CYP2A6: variants seen among roughly 807,000 people sequenced by gnomAD.
CYP2A6 encodes cytochrome P450 2A6.
In CYP2A6, 27 loss-of-function variants were observed where a neutral mutation model predicts 42.3. The observed-to-expected ratio is 0.64, with a 90% confidence interval of 0.47 to 0.88. The LOEUF (loss-of-function observed/expected upper bound fraction) is 0.88. Ranked by LOEUF, CYP2A6 falls within the 40% of genes least tolerant of loss-of-function variation. The probability of loss-of-function intolerance (pLI) is 0.00; values close to 1 mark genes in which losing one functional copy is unlikely to be tolerated. For missense variants in CYP2A6, 628 were observed against 646.0 expected, an observed-to-expected ratio of 0.97 and a Z score of 0.30; for synonymous variants, 238 against 246.3, an observed-to-expected ratio of 0.97 and a Z score of 0.31.
intron 2 of CYP2A6, among the ~76,000 whole-genome samples, chr19:40,849,162 G>GGAT (rs1204334505): frequency 3.5e-5 from 5 of 144,488 alleles, no homozygotes; most frequent in Middle Eastern, 7.1e-3. Flanking sequence ...AGAAACAGAG[G>GGAT]GATAAGGGGA....
In CYP2A6 at chr19:40,850,328, C is replaced by G; in HGVS notation, c.99G>C (p.Leu33=). 1 of 1,610,168 alleles carries G rather than the reference C, an allele frequency of 6.2e-7. No homozygotes were observed. The highest frequency in any genetic ancestry group is 8.5e-7 in the Non-Finnish European group (1 of 1,178,868). Residue 33 remains leucine (L), a synonymous_variant, in exon 1 of 9, where the codon CTG becomes CTC. Transcript: ENST00000301141. ...VWQQRKSKGK[L]PPGPTPLPFI... is the part of the protein sequence containing the mutation. Reference sequence around the variant, plus strand: ...AGGGCAATGGGGTGGGTCCCGGAGGCAGCTTCCCCTTGCTCTTCCTCTGCT... The same window carrying G: ...AGGGCAATGGGGTGGGTCCCGGAGGGAGCTTCCCCTTGCTCTTCCTCTGCT...
In CYP2A6 at chr19:40,844,781, G is replaced by A. The variant is rs754636163; in HGVS notation, c.1162-9C>T. The A allele has an allele frequency of 6.8e-6, 11 of 1,608,556 alleles. No homozygotes were observed. In the South Asian group the frequency reaches 9.9e-5, roughly 15 times the overall value. On this transcript the variant is annotated splice_polypyrimidine_tract_variant and intron_variant, in intron 7 of 8. Transcript: ENST00000301141. Reference sequence around the variant, plus strand: ...GGGTACACTTCGGTGCCCTGGTAGGGAGGAGGAAGTTGTGTGTGATGAGGA... The same window carrying A: ...GGGTACACTTCGGTGCCCTGGTAGGAAGGAGGAAGTTGTGTGTGATGAGGA...
In CYP2A6 at chr19:40,844,699, T is replaced by C. The variant is rs1345233315; in HGVS notation, c.1235A>G (p.Asn412Ser). Residue 412 changes from asparagine (N) to serine (S), a missense_variant, in exon 8 of 9, where the codon AAT becomes AGT. Asn to Ser is a conservative substitution (Grantham distance 46). Transcript: ENST00000301141. ...PSFFSNPQDF[N>S]PQHFLNEKGQ... is the part of the protein sequence containing the mutation. ...CTTCTCATTCAGGAAGTGCTGGGGA[T>C]TGAAGTCCTGGGGGTTGGAGAAGAA... 1.9e-6 allele frequency: 3 copies of C among 1,611,508 alleles called. No homozygotes were observed. The highest frequency in any genetic ancestry group is 2.5e-6 in the Non-Finnish European group (3 of 1,179,858).
rs559914206 is a variant in CYP2A6 at position 40,847,271 on chromosome 19, A to G, written c.655-220T>C. On this transcript the variant is annotated intron_variant, in intron 4 of 8. Transcript: ENST00000301141. ...AGTAATTTAGGTGAGAAGAACTGAG[A>G]CATATATCCAGGTTTCAGGTATTTA... Among the ~76,000 whole-genome samples the G allele has an allele frequency of 7.1e-4, 108 of 151,634 alleles. 1 individual carries two copies. Among genetic ancestry groups the G allele is most frequent in the African/African-American group, 1.8e-3 (74 of 41,286 alleles).
Position 40,848,383 on chromosome 19 carries a change from C to G in CYP2A6, c.494-4G>C. 6.2e-7 allele frequency: 1 copy of G among 1,611,710 alleles called. No homozygotes were observed. Among genetic ancestry groups the G allele is most frequent in the Non-Finnish European group, 8.5e-7 (1 of 1,179,862 alleles). On this transcript the variant is annotated splice_region_variant and splice_polypyrimidine_tract_variant and intron_variant, in intron 3 of 8. Transcript: ENST00000301141. ...AAGGTGGGATCGATATTGGCGCCTG[C>G]GGGTATGGCGGGAGAAGGGGGTTGG...
At chr19:40,845,691 G>A (rs1479277105) in intron 6 of CYP2A6, among the ~76,000 whole-genome samples, 4 of 151,520 alleles carry the variant, frequency 2.6e-5, no homozygotes, top group Non-Finnish European at 5.9e-5. Flanking sequence ...GCACAGGGAG[G>A]AACTTAGGGG....
rs765636072 is a variant in CYP2A6 at position 40,848,240 on chromosome 19, G to A, written c.633C>T (p.Phe211=). ...TTACCTGCCCCGTGGAGGTTGACGT[G>A]AACTGGAAGATTCCTAGCATCATGC... ...LLRMMLGIFQ[F]TSTSTGQLYE... Residue 211 remains phenylalanine, a synonymous_variant, in exon 4 of 9, where the codon TTC becomes TTT. Transcript: ENST00000301141. 1.9e-6 allele frequency: 3 copies of A among 1,611,810 alleles called. No individual in the cohort carries two copies. The highest frequency in any genetic ancestry group is 4.6e-5 in the East Asian group (2 of 43,398).
At chr19:40,850,178 C>G (rs910090342) in intron 1 of CYP2A6, 69 bp downstream of exon 1, 1 of 1,570,394 alleles carries the variant, frequency 6.4e-7, no homozygotes, top group Non-Finnish European at 8.6e-7. Flanking sequence ...TGGTCAACCC[C>G]CTGCCACAAA....
At chr19:40,847,160 T>C (rs1967116177) in intron 4 of CYP2A6, 109 bp from the exon 5 acceptor site, 1 of 1,473,054 alleles carries the variant, frequency 6.8e-7, no homozygotes, top group African/African-American at 1.4e-5. Flanking sequence ...TAAAGGCATC[T>C]GTCTCGTTGT....
chr19:40,849,844 G>A lies in CYP2A6; in HGVS notation c.317C>T (p.Thr106Ile). The A allele has an allele frequency of 6.2e-7, 1 of 1,611,094 alleles. No individual in the cohort carries two copies. The highest frequency in any genetic ancestry group is 8.5e-7 in the Non-Finnish European group (1 of 1,179,742). ...EEFSGRGEQA[T>I]FDWVFKGYGV... ...ATAGCCTTTGAAGACCCAGTCGAAG[G>A]TGGCTTGCTCGCCTCGCCCGCTGAA... Residue 106 changes from threonine (T) to isoleucine (I), a missense_variant, in exon 2 of 9, where the codon ACC becomes ATC. Coordinates refer to ENST00000301141, the MANE Select transcript of CYP2A6 (RefSeq NM_000762.6).
rs756702574 is a variant in CYP2A6 at position 40,848,399 on chromosome 19, A to C, written c.494-20T>G. Reference sequence around the variant, plus strand: ...TGGCGCCTGCGGGTATGGCGGGAGAAGGGGGTTGGGGAGAGAGTCAACTCA... The same window carrying C: ...TGGCGCCTGCGGGTATGGCGGGAGACGGGGGTTGGGGAGAGAGTCAACTCA... On this transcript the variant is annotated intron_variant, in intron 3 of 8. Coordinates refer to ENST00000301141, the MANE Select transcript of CYP2A6 (RefSeq NM_000762.6). The C allele has an allele frequency of 1.2e-6, 2 of 1,611,526 alleles. No individual in the cohort carries two copies. The highest frequency in any genetic ancestry group is 2.2e-5 in the South Asian group (2 of 90,864).
In CYP2A6 at chr19:40,849,960, G is replaced by C; in HGVS notation, c.201C>G (p.Pro67=). 1.2e-6 allele frequency: 2 copies of C among 1,611,244 alleles called. No homozygotes were observed. Among genetic ancestry groups the C allele is most frequent in the South Asian group, 1.1e-5 (1 of 90,872 alleles). ...GGGGCCCCAAGTGAATGGTGAACAC[G>C]GGGCCATAGCGCTCACTGATCTGAT... is the stretch of plus-strand genomic sequence containing the variant. ...SLMKISERYG[P]VFTIHLGPRR... The change falls in exon 2 of 9, where the codon CCC becomes CCG. Residue 67 remains proline, a synonymous_variant. Transcript: ENST00000301141.
Position 40,850,323 on chromosome 19 carries a change from G to C in CYP2A6, c.104C>G (p.Pro35Arg), listed in dbSNP as rs377713545. The change falls in exon 1 of 9, where the codon CCG (proline) becomes CGG (arginine). Residue 35 changes from proline (P) to arginine (R), a missense_variant. By Grantham distance (103) the Pro-to-Arg change is moderately radical. Around this residue, in one of 2 missense-constraint regions of CYP2A6, gnomAD observed 606 missense variants for 568.1 expected, o/e 1.07. Transcript: ENST00000301141. ...QQRKSKGKLP[P>R]GPTPLPFIGN... ...AATGAAGGGCAATGGGGTGGGTCCC[G>C]GAGGCAGCTTCCCCTTGCTCTTCCT... 67 of 1,609,948 alleles carry C rather than the reference G, an allele frequency of 4.2e-5. 2 individuals are homozygous for C. The highest frequency in any genetic ancestry group is 6.8e-6 in the Non-Finnish European group (8 of 1,178,860).
chr19:40,849,030 GAGAGAA>G (rs1361984128), intron 2 of CYP2A6, among the ~76,000 whole-genome samples: 10 of 42,502 alleles, frequency 2.4e-4, no homozygotes, highest in Non-Finnish European at 3.4e-4. Context: ...AGGAGAGAGA[GAGAGAA>G]GAGAGAGAGG....
rs533443716 is a variant in CYP2A6, at chr19:40,844,367, A to G, written c.1303+264T>C. Among the ~76,000 whole-genome samples, 218 of 151,424 alleles carry G rather than the reference A, an allele frequency of 1.4e-3. 10 individuals are homozygous for G. The South Asian group carries it at 0.027, about 19-fold the overall frequency. Reference sequence around the variant, plus strand: ...TTGCAAATATGACTGCTGTGCCGTCATCTCCTTTTTAGGGATCTGAGGAAT... The same window carrying G: ...TTGCAAATATGACTGCTGTGCCGTCGTCTCCTTTTTAGGGATCTGAGGAAT... On this transcript the variant is annotated intron_variant, in intron 8 of 8. Transcript: ENST00000301141.
intron 4 of CYP2A6, among the ~76,000 whole-genome samples, chr19:40,848,010 T>G (rs201920184): frequency 0.02 from 2,112 of 104,218 alleles, 9 homozygotes; most frequent in South Asian, 0.079. Context: ...TTGGGGAGCA[T>G]CTGTTGAGCT....
At chr19:40,847,530 G>A (rs1568515244) in intron 4 of CYP2A6, among the ~76,000 whole-genome samples, 1 of 151,514 alleles carries the variant, frequency 6.6e-6, no homozygotes, top group East Asian at 2.0e-4. Flanking sequence ...TGGGGCTGGT[G>A]AAGATGTTGA....
In CYP2A6 at chr19:40,845,284, C is replaced by T. The variant is rs202136237; in HGVS notation, c.1161+10G>A. On this transcript the variant is annotated intron_variant, in intron 7 of 8. Coordinates refer to ENST00000301141, the MANE Select transcript of CYP2A6 (RefSeq NM_000762.6). ...GTCCCCGTAGTCTGGGGGGTGGGGG[C>T]GGATAGCACCTTAGGGAGGAAGAAA... 5.8e-5 allele frequency: 93 copies of T among 1,610,628 alleles called. No homozygotes were observed. The highest frequency in any genetic ancestry group is 3.7e-4 in the Admixed American group (22 of 59,898).
chr19:40,848,201 C>G lies in CYP2A6; in HGVS notation c.654+18G>C, dbSNP rs777448923. The G allele has an allele frequency of 6.2e-7, 1 of 1,610,424 alleles. No individual in the cohort carries two copies. Among genetic ancestry groups the G allele is most frequent in the Non-Finnish European group, 8.5e-7 (1 of 1,179,054 alleles). On this transcript the variant is annotated intron_variant, in intron 4 of 8. Transcript: ENST00000301141. ...AGGTTGTGGTAGGGGCGTCACGGGCCGGGCTGCAGCCAGTTACCTGCCCCG... is the reference window on the plus strand; with the variant it reads ...AGGTTGTGGTAGGGGCGTCACGGGCGGGGCTGCAGCCAGTTACCTGCCCCG...
Sources: gnomAD v4.1 joint callset for allele counts (sites outside exome capture counted in the v4.1 genomes callset) on GRCh38, gnomAD v4.1.1 for gene constraint, gnomAD v4.1.1 regional missense constraint, MANE v1.5 for transcripts, NCBI Gene and HGNC (gene_info 2026-07-23, HGNC 2026-07-21) for gene names.